PACRG: variants seen among roughly 807,000 people sequenced by gnomAD.
PACRG encodes the protein parkin coregulated, also known as parkin coregulated gene protein.
A neutral mutation model predicts 29.7 loss-of-function variants in PACRG; 29 were observed. That is an observed-to-expected ratio of 0.98 (90% CI 0.73 to 1.33). The LOEUF (loss-of-function observed/expected upper bound fraction) is 1.33. PACRG is among the 40% of genes most tolerant of loss of function. The pLI, the probability that PACRG is intolerant of heterozygous loss-of-function variation, is 0.00. For synonymous variants in PACRG, 116 were observed against 118.7 expected, an observed-to-expected ratio of 0.98 and a Z score of 0.15; for missense variants, 279 against 316.2, an observed-to-expected ratio of 0.88 and a Z score of 0.89.
At chr6:162,980,809 A>G (rs566573411) in intron 2 of PACRG, among the ~76,000 whole-genome samples, 1 of 152,300 alleles carries the variant, frequency 6.6e-6, no homozygotes, top group East Asian at 1.9e-4. Context: ...AATAAACTAT[A>G]CTACAGGAAA....
chr6:162,882,063 G>A (rs542050826), intron 2 of PACRG, among the ~76,000 whole-genome samples: 97 of 117,180 alleles, frequency 8.3e-4, no homozygotes, highest in Non-Finnish European at 1.6e-3. Flanking sequence ...ACCCGGGGGC[G>A]CTCTCCACCA....
chr6:162,958,861 A>ATGTG (rs1339734061), intron 2 of PACRG, among the ~76,000 whole-genome samples: 7 of 44,910 alleles, frequency 1.6e-4, no homozygotes, highest in African/African-American at 6.5e-4. Context: ...ATATATATAT[A>ATGTG]TATATATATA....
At chr6:162,963,493 G>T (rs903490220) in intron 2 of PACRG, among the ~76,000 whole-genome samples, 3 of 151,432 alleles carry the variant, frequency 2.0e-5, no homozygotes, top group African/African-American at 4.8e-5. Context: ...TTAATATATA[G>T]TATGTCTATT....
At chr6:163,306,841 C>T (rs1007160915) in intron 4 of PACRG, among the ~76,000 whole-genome samples, 3 of 152,122 alleles carry the variant, frequency 2.0e-5, no homozygotes, top group African/African-American at 4.8e-5. Flanking sequence ...TCCAAAGTTA[C>T]ATTGTGATAT....
chr6:163,265,398 G>C (rs1783493009), intron 4 of PACRG, among the ~76,000 whole-genome samples: 1 of 152,156 alleles, frequency 6.6e-6, no homozygotes, highest in South Asian at 2.1e-4. Context: ...CTCCAGGGAA[G>C]GGGGTGGGGG....
At chr6:162,920,115 C>T (rs1796966127) in intron 2 of PACRG, among the ~76,000 whole-genome samples, 1 of 151,306 alleles carries the variant, frequency 6.6e-6, no homozygotes, top group East Asian at 1.9e-4. Context: ...AAGGTGTTCA[C>T]TGTTATTTAC....
intron 4 of PACRG, among the ~76,000 whole-genome samples, chr6:163,193,335 T>G (rs750114984): frequency 6.6e-6 from 1 of 152,166 alleles, no homozygotes; most frequent in Non-Finnish European, 1.5e-5. Flanking sequence ...AGGAAAAACT[T>G]TCATTTTGTT....
chr6:163,059,095 A>T (rs891497159), intron 2 of PACRG, among the ~76,000 whole-genome samples: 2 of 151,602 alleles, frequency 1.3e-5, no homozygotes, highest in Non-Finnish European at 2.9e-5. Context: ...AAAAAAAAAA[A>T]GTTAAAAAAA....
chr6:163,187,708 G>A (rs1459798189), intron 4 of PACRG: 2 of 152,316 alleles, frequency 1.3e-5, no homozygotes, highest in Non-Finnish European at 2.9e-5. Flanking sequence ...CCTTCTCCCA[G>A]GTCCAAAAGA....
Position 162,783,159 on chromosome 6 carries a change from G to A in PACRG, c.157-30988G>A, listed in dbSNP as rs117519618. 2.8e-3 allele frequency among the ~76,000 whole-genome samples: 425 copies of A among 151,952 alleles called. 1 individual carries two copies. Among genetic ancestry groups the A allele is most frequent in the Non-Finnish European group, 4.6e-3 (314 of 67,782 alleles). On this transcript the variant is annotated intron_variant, in intron 1 of 4. Transcript: ENST00000366888. ...ATAACATGAAATGAATATGTAGAGG[G>A]TAAAAGGAAGGAATGTGTATTTTGC...
At chr6:163,114,639 G>A (rs1815884541) in intron 4 of PACRG, among the ~76,000 whole-genome samples, 1 of 152,224 alleles carries the variant, frequency 6.6e-6, no homozygotes, top group African/African-American at 2.4e-5. Context: ...CTTATATGAT[G>A]AATCTAAAAT....
At chr6:162,846,914 T>G (rs1790436137) in intron 2 of PACRG, among the ~76,000 whole-genome samples, 1 of 141,146 alleles carries the variant, frequency 7.1e-6, no homozygotes, top group Non-Finnish European at 1.6e-5. Flanking sequence ...CACTGTCCAC[T>G]GTGCTCCCCA....
At position 163,020,752 on chromosome 6, in the gene PACRG, C is replaced by T. The variant is rs114583343; in HGVS notation, c.292-41398C>T. Among the ~76,000 whole-genome samples the T allele has an allele frequency of 4.5e-3, 680 of 151,998 alleles. 3 individuals are homozygous for T. The highest frequency in any genetic ancestry group is 0.015 in the African/African-American group (641 of 41,462). On this transcript the variant is annotated intron_variant, in intron 2 of 4. Coordinates refer to ENST00000366888, the MANE Select transcript of PACRG (RefSeq NM_001080379.2). Reference sequence around the variant, plus strand: ...TTCATTCTGAAAGGTCCATTGCTCTCCACTGATACTTTGCAGTCTGAGCTT... The same window carrying T: ...TTCATTCTGAAAGGTCCATTGCTCTTCACTGATACTTTGCAGTCTGAGCTT...
At position 162,736,949 on chromosome 6, in the gene PACRG, G is replaced by C. The variant is rs1420448624; in HGVS notation, c.156+8558G>C. ...ATTTACTTTGTCTTTCACTTAGGTT[G>C]TTTTCAAGTATTTACTATTAGTGTA... is the stretch of plus-strand genomic sequence containing the variant. On this transcript the variant is annotated intron_variant, in intron 1 of 4. Coordinates refer to ENST00000366888, the MANE Select transcript of PACRG (RefSeq NM_001080379.2). Among the ~76,000 whole-genome samples the C allele has an allele frequency of 2.6e-4, 39 of 152,070 alleles. 1 individual carries two copies. Among genetic ancestry groups the C allele is most frequent in the Admixed American group, 2.6e-3 (39 of 15,272 alleles).
At chr6:162,821,070 T>C (rs1226049411) in intron 2 of PACRG, among the ~76,000 whole-genome samples, 1 of 152,228 alleles carries the variant, frequency 6.6e-6, no homozygotes, top group Non-Finnish European at 1.5e-5. Context: ...AATACAGCCA[T>C]GTATTAGAAA....
intron 2 of PACRG, among the ~76,000 whole-genome samples, chr6:163,052,760 G>C (rs983618325): frequency 1.3e-5 from 2 of 152,092 alleles, no homozygotes; most frequent in African/African-American, 4.8e-5. Flanking sequence ...TGTTTCTGAT[G>C]TTTCAATATA....
At chr6:162,821,845 G>T (rs1033299601) in intron 2 of PACRG, among the ~76,000 whole-genome samples, 4 of 152,122 alleles carry the variant, frequency 2.6e-5, no homozygotes, top group Non-Finnish European at 5.9e-5. Flanking sequence ...CTTTACTGAA[G>T]CACTATTGAG....
At chr6:163,100,891 T>C (rs1300834684) in intron 4 of PACRG, 2 of 984,472 alleles carry the variant, frequency 2.0e-6, no homozygotes, top group African/African-American at 3.5e-5. Flanking sequence ...CTTTCTGTAT[T>C]ATATTCTCAT....
At chr6:162,729,710 A>C (rs1481659980) in intron 1 of PACRG, among the ~76,000 whole-genome samples, 1 of 151,604 alleles carries the variant, frequency 6.6e-6, no homozygotes, top group African/African-American at 2.4e-5. Context: ...GTTATACTTT[A>C]ATTTTTTTTT....
Sources: allele counts gnomAD v4.1 joint callset (sites outside exome capture counted in the v4.1 genomes callset), GRCh38; gene constraint gnomAD v4.1.1; transcripts MANE v1.5; gene names NCBI Gene and HGNC (gene_info 2026-07-23, HGNC 2026-07-21).